Variants in DMD observed in about 807,000 individuals in gnomAD.
DMD encodes the protein dystrophin, also known as mutant dystrophin.
A neutral mutation model predicts 330.1 loss-of-function variants in DMD; 63 were observed. The observed-to-expected ratio is 0.19, with a 90% CI of 0.16 to 0.24. The LOEUF (loss-of-function observed/expected upper bound fraction) is 0.24. Among genes scored for constraint, DMD ranks in the 10% least tolerant of loss-of-function variants. The pLI is 1.00. For missense variants in DMD, 3,344 were observed against 2,684.1 expected (o/e 1.25, Z -5.43); for synonymous variants, 1,223 against 959.8 (o/e 1.27, Z -5.07).
intron 15 of DMD, among the ~76,000 whole-genome samples, chrX:32,571,683 A>G (rs901888945): frequency 4.5e-5 from 5 of 112,064 alleles, no homozygotes; most frequent in African/African-American, 1.3e-4. Flanking sequence ...AAGACATTTT[A>G]CACGGAATAT....
At chrX:32,372,783 A>G (rs779202199) in intron 34 of DMD, among the ~76,000 whole-genome samples, 1 of 112,127 alleles carries the variant, frequency 8.9e-6, no homozygotes, top group South Asian at 3.7e-4. Context: ...GTCAATTTTC[A>G]TCATCAATCT....
rs1020387558 is a variant in DMD, at chrX:32,196,375, C to A, written c.6438+20541G>T. Among the ~76,000 whole-genome samples, 89 of 112,180 alleles carry A rather than the reference C, an allele frequency of 7.9e-4. 1 individual carries two copies. The highest frequency in any genetic ancestry group is 2.8e-3 in the African/African-American group (86 of 30,877). On this transcript the variant is annotated intron_variant, in intron 44 of 78. Coordinates refer to ENST00000357033, the MANE Select transcript of DMD (RefSeq NM_004006.3). Reference sequence around the variant, plus strand: ...GCTCCAGATATAAGCCTGAAACTTTCCTGAGTTTCTGACTTTTGCCAGCCA... The same window carrying A: ...GCTCCAGATATAAGCCTGAAACTTTACTGAGTTTCTGACTTTTGCCAGCCA...
At chrX:31,859,040 C>A (rs1169889172) in intron 48 of DMD, among the ~76,000 whole-genome samples, 1 of 111,866 alleles carries the variant, frequency 8.9e-6, no homozygotes, top group Non-Finnish European at 1.9e-5. Flanking sequence ...CTGATATAGT[C>A]AGCAGAGAAC....
chrX:31,607,880 A>G (rs2077692597), intron 55 of DMD, among the ~76,000 whole-genome samples: 1 of 111,979 alleles, frequency 8.9e-6, no homozygotes, highest in African/African-American at 3.2e-5. Context: ...TTCAAAAGGC[A>G]TGCAAAAACT....
At chrX:32,214,358 C>A (rs1047547579) in intron 44 of DMD, among the ~76,000 whole-genome samples, 2 of 111,333 alleles carry the variant, frequency 1.8e-5, no homozygotes, top group Non-Finnish European at 3.8e-5. Flanking sequence ...GTTTCAGCAG[C>A]CCAAGGCTGA....
intron 47 of DMD, among the ~76,000 whole-genome samples, chrX:31,923,108 A>C (rs1027635405): frequency 8.9e-6 from 1 of 111,967 alleles, no homozygotes; most frequent in Non-Finnish European, 1.9e-5. Context: ...GAGCTATTAA[A>C]AATTATGATA....
At chrX:31,538,909 C>T (rs1419316130) in intron 55 of DMD, among the ~76,000 whole-genome samples, 4 of 110,627 alleles carry the variant, frequency 3.6e-5, no homozygotes, top group Non-Finnish European at 7.6e-5. Context: ...ACAATCTGGA[C>T]GGCTCTTCAT....
intron 47 of DMD, among the ~76,000 whole-genome samples, chrX:31,921,669 C>G (rs185614031): frequency 3.1e-3 from 353 of 112,221 alleles, no homozygotes; most frequent in Middle Eastern, 4.6e-3. Context: ...TTACAATATG[C>G]CAGATACTGT....
At chrX:32,558,992 C>T (rs1410677938) in intron 16 of DMD, among the ~76,000 whole-genome samples, 2 of 85,727 alleles carry the variant, frequency 2.3e-5, no homozygotes, top group African/African-American at 4.9e-5. Flanking sequence ...GCTCTGTCAT[C>T]CCGGCTGGAG....
At chrX:31,293,962 C>T (rs1002961884) in intron 62 of DMD, among the ~76,000 whole-genome samples, 1 of 111,355 alleles carries the variant, frequency 9.0e-6, no homozygotes. Context: ...TCGAGGTCAG[C>T]CTGGGCAACA....
intron 41 of DMD, among the ~76,000 whole-genome samples, chrX:32,318,108 T>C (rs141310615): frequency 9.0e-6 from 1 of 111,099 alleles, no homozygotes; most frequent in Non-Finnish European, 1.9e-5. Context: ...GAAAAGGCAA[T>C]GGGAAAGACT....
intron 2 of DMD, among the ~76,000 whole-genome samples, chrX:32,926,219 T>G (rs1363561071): frequency 8.9e-6 from 1 of 112,028 alleles, no homozygotes; most frequent in Non-Finnish European, 1.9e-5. Context: ...TAACATATGA[T>G]CTCGCTTATT....
chrX:31,136,022 C>A, intron 76 of DMD, among the ~76,000 whole-genome samples: 1 of 107,502 alleles, frequency 9.3e-6, no homozygotes. Flanking sequence ...ACAGCAGAAG[C>A]TAAAAGAATC....
Position 31,293,163 on chromosome X carries a change from G to GGTGTGTGTGTGTGTGTGTGT in DMD, c.9224+30415_9224+30434dup, listed in dbSNP as rs762778210. Reference sequence around the variant, plus strand: ...CTCTCTCTCACCACTCCCCCAACCCGGTGTGTGTGTGTGTGTGTGTGTGTG... The same window carrying GGTGTGTGTGTGTGTGTGTGT: ...CTCTCTCTCACCACTCCCCCAACCCGGTGTGTGTGTGTGTGTGTGTGTGTGTGTGTGTGTGTGTGTGTGTG... On this transcript the variant is annotated intron_variant, in intron 62 of 78. Coordinates refer to ENST00000357033, the MANE Select transcript of DMD (RefSeq NM_004006.3). Among the ~76,000 whole-genome samples, 434 of 70,529 alleles carry GGTGTGTGTGTGTGTGTGTGT rather than the reference G, an allele frequency of 6.2e-3. 11 individuals carry two copies. Among genetic ancestry groups the GGTGTGTGTGTGTGTGTGTGT allele is most frequent in the Middle Eastern group, 0.019 (3 of 161 alleles). 61.2% of individuals were successfully genotyped at this position (70,529 alleles called of 115,157 possible). A position where few individuals can be genotyped will look rare whatever the true frequency, so the allele number is the denominator to read the frequency against.
chrX:32,730,299 C>T (rs2067412951), intron 7 of DMD, among the ~76,000 whole-genome samples: 1 of 112,494 alleles, frequency 8.9e-6, no homozygotes, highest in Non-Finnish European at 1.9e-5. Context: ...TAAGCTACGA[C>T]TGTGCTAGTG....
intron 53 of DMD, among the ~76,000 whole-genome samples, chrX:31,661,153 G>C (rs999075935): frequency 9.0e-6 from 1 of 111,569 alleles, no homozygotes; most frequent in Admixed American, 9.5e-5. Flanking sequence ...AGAAATACGC[G>C]TGCCATATAT....
chrX:32,378,144 T>C (rs2097911231), intron 34 of DMD, among the ~76,000 whole-genome samples: 1 of 110,824 alleles, frequency 9.0e-6, no homozygotes, highest in African/African-American at 3.3e-5. Flanking sequence ...AATTATTATT[T>C]TAATAATTTG....
chrX:32,922,421 C>T (rs1017731881), intron 2 of DMD, among the ~76,000 whole-genome samples: 3 of 111,719 alleles, frequency 2.7e-5, no homozygotes, highest in Non-Finnish European at 5.6e-5. Flanking sequence ...ATATTTAGAC[C>T]TACCCCCTAA....
intron 1 of DMD, among the ~76,000 whole-genome samples, chrX:33,153,366 G>A (rs1047018868): frequency 1.8e-5 from 2 of 112,841 alleles, no homozygotes; most frequent in Admixed American, 9.4e-5. Flanking sequence ...AGCCGAGATC[G>A]TGCCATTGCA....
Sources: gnomAD v4.1 joint callset for allele counts (sites outside exome capture counted in the v4.1 genomes callset) on GRCh38, gnomAD v4.1.1 for gene constraint, MANE v1.5 for transcripts, NCBI Gene and HGNC (gene_info 2026-07-23, HGNC 2026-07-21) for gene names.